Variants in TRIM14 observed in about 807,000 individuals in gnomAD.
TRIM14 encodes tripartite motif containing 14.
Under a neutral mutation model 44.5 loss-of-function variants are expected in TRIM14, and 28 were observed. The ratio of observed to expected loss-of-function variants is 0.63; its 90% CI spans 0.47 to 0.86. The LOEUF is 0.86. TRIM14 is among the 40% of genes least tolerant of loss of function. The probability of loss-of-function intolerance (pLI) is 0.00; values close to 1 mark genes in which losing one functional copy is unlikely to be tolerated. For synonymous variants in TRIM14, 299 were observed against 269.2 expected (o/e 1.11, Z -1.08); for missense variants, 607 against 611.1 (o/e 0.99, Z 0.07).
chr9:98,037,025 G>A, the TRIM14 span, among the ~76,000 whole-genome samples: 9 of 152,134 alleles, frequency 5.9e-5, no homozygotes, highest in Non-Finnish European at 8.8e-5. Context: ...AACTGAAGGC[G>A]CCTACACTCT....
chr9:98,080,071 G>A (rs1174612121), downstream of TRIM14, among the ~76,000 whole-genome samples: 1 of 152,128 alleles, frequency 6.6e-6, no homozygotes, highest in Admixed American at 6.6e-5. Context: ...AAAATTAGCT[G>A]GGCGTGGTGG....
chr9:98,107,638 A>G (rs9792455), intron 2 of TRIM14, among the ~76,000 whole-genome samples: 85,094 of 151,656 alleles, frequency 0.56, 24,289 homozygotes, highest in East Asian at 0.7. Context: ...GGGGGGATAC[A>G]GTGGGTAGGG....
chr9:98,094,398 G>T (rs1287816321), intron 4 of TRIM14, among the ~76,000 whole-genome samples: 1 of 152,142 alleles, frequency 6.6e-6, no homozygotes, highest in African/African-American at 2.4e-5. Flanking sequence ...GCACCCTCTA[G>T]CAGGACATGG....
intron 3 of TRIM14, among the ~76,000 whole-genome samples, chr9:98,097,527 T>G (rs1288871517): frequency 1.3e-5 from 2 of 152,154 alleles, no homozygotes; most frequent in Non-Finnish European, 2.9e-5. Flanking sequence ...AGCCAGAGAG[T>G]GTCAGACATT....
rs1169778984 is a variant in TRIM14 at position 98,102,553 on chromosome 9, A to G, written c.304-2389T>C. The stretch of plus-strand genomic sequence containing the variant: ...CTAAACATGGATGAACCTCGAAGAC[A>G]TCATCCCCAGTGAATTAAGCCAGAC... On this transcript the variant is annotated intron_variant, in intron 2 of 5. Transcript: ENST00000341469. Among the ~76,000 whole-genome samples, 3 of 152,238 alleles carry G rather than the reference A, an allele frequency of 2.0e-5. No individual in the cohort carries two copies. In the East Asian group the frequency reaches 5.8e-4, roughly 29 times the overall value.
At chr9:98,079,035 A>G (rs1260842939) in intron 6 of TRIM14, among the ~76,000 whole-genome samples, 1 of 152,044 alleles carries the variant, frequency 6.6e-6, no homozygotes, top group Non-Finnish European at 1.5e-5. Context: ...TCTAATGCTG[A>G]GCATCCCTGA....
downstream of TRIM14, among the ~76,000 whole-genome samples, chr9:98,064,950 G>A (rs942694776): frequency 1.3e-5 from 2 of 152,070 alleles, no homozygotes; most frequent in East Asian, 1.9e-4. Flanking sequence ...TTAAACCTAC[G>A]TAAAAAGGTT....
At chr9:98,067,759 G>A (rs990946450), downstream of TRIM14, among the ~76,000 whole-genome samples, 7 of 150,886 alleles carry the variant, frequency 4.6e-5, no homozygotes, top group Non-Finnish European at 5.9e-5. Flanking sequence ...TTGCTCTGTC[G>A]CCCAGGCTGG....
chr9:98,064,720 A>G (rs948134247), downstream of TRIM14, among the ~76,000 whole-genome samples: 1 of 152,218 alleles, frequency 6.6e-6, no homozygotes, highest in African/African-American at 2.4e-5. Context: ...TCTTAAAGGT[A>G]GCAGATCTGA....
At chr9:98,115,325 C>T (rs961798601) in intron 1 of TRIM14, among the ~76,000 whole-genome samples, 54 of 152,300 alleles carry the variant, frequency 3.5e-4, no homozygotes, top group African/African-American at 1.2e-3. Context: ...TCTTGGCTCA[C>T]TGCAACCTCT....
chr9:98,043,658 A>C, the TRIM14 span, among the ~76,000 whole-genome samples: 4 of 151,672 alleles, frequency 2.6e-5, no homozygotes, highest in Non-Finnish European at 5.9e-5. Context: ...ACACACACAC[A>C]GAGAGAGATC....
intron 2 of TRIM14, among the ~76,000 whole-genome samples, chr9:98,108,051 G>A (rs1277782901): frequency 1.3e-5 from 2 of 149,588 alleles, no homozygotes; most frequent in African/African-American, 4.9e-5. Context: ...CATGTGATAA[G>A]TTGACATAAA....
In TRIM14 at chr9:98,087,549, A is replaced by T; in HGVS notation, c.1250T>A (p.Phe417Tyr). 1 of 1,596,524 alleles carries T rather than the reference A, an allele frequency of 6.3e-7. No homozygotes were observed. Among genetic ancestry groups the T allele is most frequent in the Non-Finnish European group, 8.5e-7 (1 of 1,173,594 alleles). Reference sequence around the variant, plus strand: ...GAGCGGCTCCTGGAACGTGGCGCGGAAGGTATGCAGGTGGCTCATGCCGCC... The same window carrying T: ...GAGCGGCTCCTGGAACGTGGCGCGGTAGGTATGCAGGTGGCTCATGCCGCC... ...VTGGMSHLHT[F>Y]RATFQEPLYP... The change falls in exon 6 of 6, where the codon TTC becomes TAC. Residue 417 changes from phenylalanine to tyrosine, a missense_variant. Physicochemically the swap from Phe to Tyr is conservative, Grantham distance 22. Around this residue, in one of 3 missense-constraint regions of TRIM14, gnomAD observed 356 missense variants for 323.0 expected, o/e 1.10. Coordinates refer to ENST00000341469, the MANE Select transcript of TRIM14 (RefSeq NM_014788.4).
At chr9:98,070,408 G>A (rs957774202) in intron 6 of TRIM14, among the ~76,000 whole-genome samples, 2 of 151,936 alleles carry the variant, frequency 1.3e-5, no homozygotes, top group Admixed American at 1.3e-4. Flanking sequence ...GTGAGCCACC[G>A]TGCCCAGCTT....
downstream of TRIM14, among the ~76,000 whole-genome samples, chr9:98,082,474 A>G (rs139059629): frequency 5.9e-5 from 9 of 152,218 alleles, no homozygotes; most frequent in African/African-American, 2.2e-4. Context: ...AGAGCATTCT[A>G]TGTTCCACGT....
intron 3 of TRIM14, among the ~76,000 whole-genome samples, chr9:98,096,487 C>T (rs1004000587): frequency 6.6e-6 from 1 of 152,180 alleles, no homozygotes; most frequent in African/African-American, 2.4e-5. Context: ...CCCCAAACTC[C>T]AGCAGCTAGC....
the TRIM14 span, among the ~76,000 whole-genome samples, chr9:98,041,122 A>G: frequency 1.0e-3 from 157 of 152,182 alleles, 1 homozygote; most frequent in East Asian, 5.4e-3. Flanking sequence ...TATAGTATTT[A>G]GGGGAACAGT....
Position 98,109,930 on chromosome 9 carries a change from C to T in TRIM14, c.262G>A (p.Asp88Asn), listed in dbSNP as rs1826781002. 1.2e-6 allele frequency: 2 copies of T among 1,613,782 alleles called. No homozygotes were observed. ...GCATCTTCTATCTGGGTTATGTTGT[C>T]AATGTGCTGCTGCTTCTTGATTGCC... Reference protein sequence around the residue: ...QLAIKKQQHIDNITQIEDATE... With the variant: ...QLAIKKQQHINNITQIEDATE... The change falls in exon 2 of 6, where the codon GAC becomes AAC. Residue 88 changes from aspartate to asparagine, a missense_variant. Asp to Asn is a conservative substitution (Grantham distance 23). Transcript: ENST00000341469.
chr9:98,115,236 C>T (rs1827006858), intron 1 of TRIM14, among the ~76,000 whole-genome samples: 1 of 151,792 alleles, frequency 6.6e-6, no homozygotes. Flanking sequence ...ACTACAGGTA[C>T]ATGCCACCAC....
Sources: gnomAD v4.1 joint callset for allele counts (sites outside exome capture counted in the v4.1 genomes callset) on GRCh38, gnomAD v4.1.1 for gene constraint, gnomAD v4.1.1 regional missense constraint, MANE v1.5 for transcripts, NCBI Gene and HGNC (gene_info 2026-07-23, HGNC 2026-07-21) for gene names.